CACNA2D3: variants seen among roughly 807,000 people sequenced by gnomAD.
CACNA2D3 encodes calcium voltage-gated channel auxiliary subunit alpha2delta 3.
Under a neutral mutation model 160.6 loss-of-function variants are expected in CACNA2D3, and 60 were observed. That is an observed-to-expected ratio of 0.37 (90% confidence interval 0.30 to 0.46). CACNA2D3 has a LOEUF of 0.46. Among genes scored for constraint, CACNA2D3 ranks in the 20% least tolerant of loss-of-function variants. The pLI is 1.00. For missense variants in CACNA2D3, 1,205 were observed against 1,365.0 expected, an observed-to-expected ratio of 0.88 and a Z score of 1.85; for synonymous variants, 558 against 492.9, an observed-to-expected ratio of 1.13 and a Z score of -1.75.
chr3:54,695,012 A>G (rs1700638632), intron 11 of CACNA2D3, among the ~76,000 whole-genome samples: 1 of 152,020 alleles, frequency 6.6e-6, no homozygotes, highest in Non-Finnish European at 1.5e-5. Context: ...CCACTTTGTC[A>G]TGTCATAAAA....
chr3:54,653,032 C>T (rs1463243600), intron 11 of CACNA2D3, among the ~76,000 whole-genome samples: 1 of 152,064 alleles, frequency 6.6e-6, no homozygotes, highest in Non-Finnish European at 1.5e-5. Flanking sequence ...ATCCACCTGC[C>T]TTGGTCTCCC....
intron 4 of CACNA2D3, among the ~76,000 whole-genome samples, chr3:54,450,620 C>T (rs1224719385): frequency 6.6e-6 from 1 of 151,996 alleles, no homozygotes; most frequent in Non-Finnish European, 1.5e-5. Context: ...GCGCCTGGCA[C>T]CTCCCCGGCC....
intron 27 of CACNA2D3, among the ~76,000 whole-genome samples, chr3:54,919,543 C>G (rs879682960): frequency 6.6e-6 from 1 of 152,138 alleles, no homozygotes; most frequent in Non-Finnish European, 1.5e-5. Context: ...TTATTAAACC[C>G]AGTTTCCATT....
intron 2 of CACNA2D3, among the ~76,000 whole-genome samples, chr3:54,231,604 G>A (rs55720439): frequency 0.029 from 4,347 of 152,280 alleles, 179 homozygotes; most frequent in East Asian, 0.21. Context: ...GCTTTGAGGT[G>A]CTGCTAGAAT....
chr3:54,946,893 G>A (rs1701629695), intron 27 of CACNA2D3, among the ~76,000 whole-genome samples: 1 of 151,942 alleles, frequency 6.6e-6, no homozygotes, highest in Non-Finnish European at 1.5e-5. Context: ...TAGTGTGAAT[G>A]ATCTTTATCT....
chr3:54,980,246 C>G (rs542604472), intron 29 of CACNA2D3, among the ~76,000 whole-genome samples: 4 of 152,250 alleles, frequency 2.6e-5, no homozygotes, highest in African/African-American at 9.6e-5. Flanking sequence ...CCTTGTATAA[C>G]CCTTTACATT....
At chr3:54,999,992 T>A (rs2107130598) in intron 31 of CACNA2D3, among the ~76,000 whole-genome samples, 1 of 152,276 alleles carries the variant, frequency 6.6e-6, no homozygotes, top group South Asian at 2.1e-4. Flanking sequence ...AGTTCCACCA[T>A]CCATGTGGGC....
At chr3:54,837,019 C>A in intron 14 of CACNA2D3, 140 bp from the exon 15 acceptor site, 1 of 703,864 alleles carries the variant, frequency 1.4e-6, no homozygotes, top group Admixed American at 2.1e-5. Context: ...TTGTGCTCCG[C>A]GCTCCACTAA....
chr3:54,431,889 T>C (rs1375434041), intron 4 of CACNA2D3, among the ~76,000 whole-genome samples: 1 of 152,252 alleles, frequency 6.6e-6, no homozygotes, highest in Non-Finnish European at 1.5e-5. Context: ...ATTACAGGCA[T>C]GAGCCACCAC....
intron 13 of CACNA2D3, among the ~76,000 whole-genome samples, chr3:54,779,568 G>A (rs146461350): frequency 3.6e-3 from 548 of 152,170 alleles, no homozygotes; most frequent in Non-Finnish European, 4.7e-3. Flanking sequence ...CCTCACCATC[G>A]CTGGCCATTC....
chr3:54,128,475 CA>C (rs1288357228), intron 2 of CACNA2D3, among the ~76,000 whole-genome samples: 1 of 152,208 alleles, frequency 6.6e-6, no homozygotes, highest in African/African-American at 2.4e-5. Flanking sequence ...TTCCCACTTA[CA>C]TTGATCAATC....
At chr3:54,208,452 A>G (rs78500449) in intron 2 of CACNA2D3, among the ~76,000 whole-genome samples, 2,341 of 152,288 alleles carry the variant, frequency 0.015, 63 homozygotes, top group African/African-American at 0.052. Context: ...TACCTGCCTG[A>G]TAGAGCTGGT....
intron 11 of CACNA2D3, among the ~76,000 whole-genome samples, chr3:54,709,556 C>T (rs1025217975): frequency 6.6e-6 from 1 of 151,934 alleles, no homozygotes; most frequent in Non-Finnish European, 1.5e-5. Context: ...GAGACAGGGT[C>T]TCACTATGTT....
rs373851086 is a variant in CACNA2D3 at position 54,562,843 on chromosome 3, C to T, written c.588C>T (p.Asn196=). The stretch of plus-strand genomic sequence containing the variant: ...GGGTTTATTGGTCTGAATCTCTAAA[C>T]AAAGTTTTTGTAGATAACTTTGACC... ...VNGVYWSESL[N]KVFVDNFDRD... is the part of the protein sequence containing the mutation. Residue 196 remains asparagine (N), a synonymous_variant, in exon 6 of 38, where the codon AAC becomes AAT. Coordinates refer to ENST00000474759, the MANE Select transcript of CACNA2D3 (RefSeq NM_018398.3). 33 of 1,612,988 alleles carry T rather than the reference C, an allele frequency of 2.0e-5. No individual in the cohort carries two copies. In the African/African-American group the frequency reaches 2.8e-4, roughly 14 times the overall value.
chr3:54,439,574 G>C (rs1195259542), intron 4 of CACNA2D3, among the ~76,000 whole-genome samples: 2 of 152,154 alleles, frequency 1.3e-5, no homozygotes, highest in African/African-American at 4.8e-5. Context: ...GCAGTCCATG[G>C]GCTGGAGGGT....
chr3:54,911,260 C>A (rs1436104410), intron 27 of CACNA2D3, among the ~76,000 whole-genome samples: 2 of 150,552 alleles, frequency 1.3e-5, no homozygotes, highest in Non-Finnish European at 3.0e-5. Context: ...TTGTTTGAAT[C>A]AGGATCTTCT....
chr3:54,174,697 A>G (rs1700640507), intron 2 of CACNA2D3, among the ~76,000 whole-genome samples: 1 of 151,910 alleles, frequency 6.6e-6, no homozygotes, highest in Non-Finnish European at 1.5e-5. Context: ...GCTAATTTTT[A>G]GTATTTTTTG....
intron 30 of CACNA2D3, 111 bp downstream of exon 30, chr3:54,984,781 T>C: frequency 1.4e-6 from 1 of 691,570 alleles, no homozygotes; most frequent in Non-Finnish European, 2.5e-6. Flanking sequence ...ATTTAGGAGG[T>C]AATAGCAGGA....
intron 26 of CACNA2D3, among the ~76,000 whole-genome samples, chr3:54,898,896 G>A (rs1700263115): frequency 6.6e-6 from 1 of 152,222 alleles, no homozygotes; most frequent in Admixed American, 6.5e-5. Flanking sequence ...GCAAGTCTCT[G>A]TGGTGGAGCT....
Sources: allele counts gnomAD v4.1 joint callset (sites outside exome capture counted in the v4.1 genomes callset), GRCh38; gene constraint gnomAD v4.1.1; transcripts MANE v1.5; gene names NCBI Gene and HGNC (gene_info 2026-07-23, HGNC 2026-07-21).